CNIH3: variants seen among roughly 807,000 people sequenced by gnomAD.
CNIH3 encodes protein cornichon homolog 3.
CNIH3 carries 14 observed loss-of-function variants against 24.1 expected under a neutral mutation model. That is an observed-to-expected ratio of 0.58 (90% CI 0.38 to 0.91). CNIH3 has a LOEUF of 0.91. CNIH3 is among the 40% of genes least tolerant of loss of function. CNIH3 has a pLI of 0.00. For synonymous variants in CNIH3, 68 were observed against 73.8 expected (o/e 0.92, Z 0.40); for missense variants, 178 against 196.8 (o/e 0.90, Z 0.57).
At chr1:224,506,287 G>A (rs924363) in intron 1 of CNIH3, among the ~76,000 whole-genome samples, 77,233 of 146,996 alleles carry the variant, frequency 0.53, 20,724 homozygotes, top group East Asian at 0.76. Flanking sequence ...GCGCGCGCGC[G>A]CACACACACA....
intron 3 of CNIH3, among the ~76,000 whole-genome samples, chr1:224,551,863 C>T (rs989921115): frequency 2.0e-5 from 3 of 149,966 alleles, no homozygotes; most frequent in Admixed American, 2.0e-4. Flanking sequence ...CTGTGTACAC[C>T]CACAGTTGTA....
intron 1 of CNIH3, among the ~76,000 whole-genome samples, chr1:224,485,305 C>A (rs1256569774): frequency 6.6e-6 from 1 of 152,162 alleles, no homozygotes; most frequent in Non-Finnish European, 1.5e-5. Flanking sequence ...CTTCACTGAG[C>A]TTTCTCCTCC....
rs1202299774 is a variant in CNIH3 at position 224,481,467 on chromosome 1, G to C, written n.204-34274G>C. Among the ~76,000 whole-genome samples the C allele has an allele frequency of 6.6e-5, 10 of 152,278 alleles. No homozygotes were observed. The South Asian group carries it at 8.3e-4, about 13-fold the overall frequency. ...GTCAGCGCAGCCATAGCTGCATTAG[G>C]GGGTACCTCAAGCCCAGTAACACTG... On this transcript the variant is annotated intron_variant and non_coding_transcript_variant, in intron 1 of 5. Coordinates refer to the CNIH3 transcript ENST00000471578.
chr1:224,559,422 T>C (rs1283168112), intron 3 of CNIH3, among the ~76,000 whole-genome samples: 1 of 152,202 alleles, frequency 6.6e-6, no homozygotes, highest in Non-Finnish European at 1.5e-5. Context: ...TGGAGTGTGG[T>C]GGCCCTATCG....
intron 1 of CNIH3, among the ~76,000 whole-genome samples, chr1:224,491,258 T>C (rs1381145763): frequency 1.3e-5 from 2 of 152,184 alleles, no homozygotes; most frequent in Non-Finnish European, 2.9e-5. Flanking sequence ...AAATTAGTCA[T>C]TTTCCTAACT....
intron 3 of CNIH3, among the ~76,000 whole-genome samples, chr1:224,547,895 T>C (rs1056811360): frequency 6.6e-5 from 10 of 151,966 alleles, no homozygotes; most frequent in Admixed American, 2.6e-4. Context: ...CACCCCATGA[T>C]ATTGTTTATA....
At chr1:224,694,554 T>C (rs1687076548) in intron 3 of CNIH3, among the ~76,000 whole-genome samples, 1 of 152,204 alleles carries the variant, frequency 6.6e-6, no homozygotes, top group Admixed American at 6.5e-5. Flanking sequence ...GTTCTGGTTG[T>C]TTCTGTGAGG....
rs1022437345 is a variant in CNIH3 at position 224,458,369 on chromosome 1, G to T, written n.203+23507G>T. The stretch of plus-strand genomic sequence containing the variant: ...TACCAAAGTTATGCTTAGCAGAGGG[G>T]CTCTGGCTCACTCCCCGTCCCTCAT... On this transcript the variant is annotated intron_variant and non_coding_transcript_variant, in intron 1 of 5. Transcript: ENST00000471578. This position sits in a 1 kb window ranked among gnomAD's most constrained non-coding sequence, Gnocchi z 4.3. Among the ~76,000 whole-genome samples, 1 of 152,190 alleles carries T rather than the reference G, an allele frequency of 6.6e-6. No homozygotes were observed. Among genetic ancestry groups the T allele is most frequent in the African/African-American group, 2.4e-5 (1 of 41,430 alleles).
intron 1 of CNIH3, chr1:224,459,178 T>G (rs1472396557): frequency 1.1e-6 from 1 of 904,484 alleles, no homozygotes; most frequent in Non-Finnish European, 1.3e-6. Flanking sequence ...TTCCCCTCTT[T>G]CTTCCTTCTA....
At chr1:224,575,605 A>G (rs1223550239) in intron 4 of CNIH3, among the ~76,000 whole-genome samples, 1 of 152,170 alleles carries the variant, frequency 6.6e-6, no homozygotes, top group African/African-American at 2.4e-5. Context: ...AGCTGGGGAA[A>G]GTACAACCTG....
At chr1:224,498,768 G>A (rs1031884746) in intron 1 of CNIH3, among the ~76,000 whole-genome samples, 4 of 152,206 alleles carry the variant, frequency 2.6e-5, no homozygotes, top group Admixed American at 6.5e-5. Flanking sequence ...GGGAAGATGC[G>A]GGGGGCAAGG....
chr1:224,639,085 T>C (rs2125089318), intron 1 of CNIH3, among the ~76,000 whole-genome samples: 1 of 152,370 alleles, frequency 6.6e-6, no homozygotes. Flanking sequence ...CTGCAAATTC[T>C]CTTTCCCCAA....
At chr1:224,700,341 CT>C (rs1687417932) in intron 3 of CNIH3, among the ~76,000 whole-genome samples, 1 of 152,158 alleles carries the variant, frequency 6.6e-6, no homozygotes, top group Non-Finnish European at 1.5e-5. Context: ...CTGTCCCATT[CT>C]GAGGTACTGG....
At chr1:224,474,566 C>A (rs1361502970) in intron 1 of CNIH3, among the ~76,000 whole-genome samples, 2 of 151,448 alleles carry the variant, frequency 1.3e-5, no homozygotes, top group Non-Finnish European at 2.9e-5. Context: ...GCAAACCAAA[C>A]CCAAAATAAG....
intron 3 of CNIH3, among the ~76,000 whole-genome samples, chr1:224,696,054 TG>T (rs1314925513): frequency 6.6e-6 from 1 of 152,170 alleles, no homozygotes; most frequent in African/African-American, 2.4e-5. Context: ...ACTATAACCG[TG>T]ACTGAAACAT....
At chr1:224,530,034 C>T (rs1679002610) in intron 2 of CNIH3, among the ~76,000 whole-genome samples, 1 of 152,126 alleles carries the variant, frequency 6.6e-6, no homozygotes, top group South Asian at 2.1e-4. Flanking sequence ...GTTTGCTGCC[C>T]TTACATCATG....
intron 3 of CNIH3, among the ~76,000 whole-genome samples, chr1:224,696,067 A>T (rs556502711): frequency 4.5e-4 from 68 of 152,218 alleles, no homozygotes; most frequent in African/African-American, 1.5e-3. Flanking sequence ...CTGAAACATG[A>T]TGGGGCTCAC....
intron 1 of CNIH3, among the ~76,000 whole-genome samples, chr1:224,654,581 A>T (rs1204323313): frequency 6.6e-6 from 1 of 152,186 alleles, no homozygotes; most frequent in African/African-American, 2.4e-5. Flanking sequence ...CCTGTTTCTA[A>T]AAACTGAATC....
chr1:224,661,631 A>T (rs1408785025), intron 1 of CNIH3: 1 of 314,600 alleles, frequency 3.2e-6, no homozygotes, highest in Non-Finnish European at 6.1e-6. Flanking sequence ...ACAAACTCAA[A>T]TGATTGTCAA....
Sources: gnomAD v4.1 joint callset for allele counts (sites outside exome capture counted in the v4.1 genomes callset) on GRCh38, gnomAD v4.1.1 for gene constraint, Gnocchi (gnomAD v3.1) non-coding constraint, MANE v1.5 for transcripts, NCBI Gene and HGNC (gene_info 2026-07-23, HGNC 2026-07-21) for gene names.